Variants in ZNF425 observed in about 807,000 individuals in gnomAD.
ZNF425 encodes zinc finger protein 425.
Under a neutral mutation model 17.0 loss-of-function variants are expected in ZNF425, and 21 were observed. The observed-to-expected ratio is 1.23, with a 90% CI of 0.88 to 1.78. The LOEUF is 1.78. Among genes scored for constraint, ZNF425 ranks in the 40% most tolerant of loss-of-function variants. The pLI is 0.00. For synonymous variants in ZNF425, 433 were observed against 384.1 expected (o/e 1.13, Z -1.49); for missense variants, 868 against 967.3 (o/e 0.90, Z 1.36).
At chr7:149,124,468 T>C (rs1286390967) in intron 1 of ZNF425, among the ~76,000 whole-genome samples, 1 of 151,528 alleles carries the variant, frequency 6.6e-6, no homozygotes, top group African/African-American at 2.4e-5. Context: ...CTTGTTATTT[T>C]TACAATGTGA....
At chr7:149,122,284 C>CTT (rs1183706614) in intron 1 of ZNF425, among the ~76,000 whole-genome samples, 130 of 145,670 alleles carry the variant, frequency 8.9e-4, no homozygotes, top group African/African-American at 2.9e-3. Context: ...AAGGAAGATT[C>CTT]TTTTTTTTTT....
chr7:149,104,237 G>C lies in ZNF425; in HGVS notation c.1634C>G (p.Thr545Arg), dbSNP rs745477808. 1.2e-6 allele frequency: 2 copies of C among 1,613,470 alleles called. No homozygotes were observed. The highest frequency in any genetic ancestry group is 1.7e-5 in the Admixed American group (1 of 59,994). Residue 545 changes from threonine to arginine, a missense_variant, in exon 4 of 4, where the codon ACG becomes AGG. By Grantham distance (71) the Thr-to-Arg change is moderately conservative. This residue lies in a region of ZNF425 where 437 missense variants were observed against 444.2 expected (regional missense o/e 0.98). Transcript: ENST00000378061. This position sits in a 1 kb window ranked among gnomAD's most constrained non-coding sequence, Gnocchi z 4.3. ...GGGCTCCTCGCCACTGTGAAGCCTC[G>C]TGTGCTCTGTGAGATGCGCGCGTCG... ...FRRRAHLTEH[T>R]RLHSGEEPFQ...
Position 149,112,134 on chromosome 7 carries a change from C to T in ZNF425, c.304+3G>A. 1 of 1,612,510 alleles carries T rather than the reference C, an allele frequency of 6.2e-7. No homozygotes were observed. Among genetic ancestry groups the T allele is most frequent in the Non-Finnish European group, 8.5e-7 (1 of 1,179,294 alleles). On this transcript the variant is annotated splice_donor_region_variant and intron_variant, in intron 3 of 3. Transcript: ENST00000378061. ...TTCATGATCTTAAATCCATCTTACT[C>T]ACCAAAACATAGCAACTTTCCAGTA...
chr7:149,124,125 G>A (rs1016341979), intron 1 of ZNF425, among the ~76,000 whole-genome samples: 1 of 151,198 alleles, frequency 6.6e-6, no homozygotes, highest in Non-Finnish European at 1.5e-5. Flanking sequence ...GGGATTACAG[G>A]CCTGAGCTAC....
chr7:149,103,488 G>T lies in ZNF425; in HGVS notation c.*124C>A. 1 of 1,278,892 alleles carries T rather than the reference G, an allele frequency of 7.8e-7. No homozygotes were observed. The highest frequency in any genetic ancestry group is 1.0e-6 in the Non-Finnish European group (1 of 953,436). 79.2% of individuals were successfully genotyped at this position (1,278,892 alleles called of 1,614,324 possible). The stretch of plus-strand genomic sequence containing the variant: ...CCACCTGGGCCTCCCAAAGTAATGG[G>T]ATTACAGGCGGGAGCCACTGTGCCC... On this transcript the variant is annotated 3_prime_UTR_variant, in exon 4 of 4. Coordinates refer to ENST00000378061, the MANE Select transcript of ZNF425 (RefSeq NM_001001661.3).
Position 149,103,549 on chromosome 7 carries a change from T to C in ZNF425, c.*63A>G. 2 of 1,520,204 alleles carry C rather than the reference T, an allele frequency of 1.3e-6. No individual in the cohort carries two copies. The highest frequency in any genetic ancestry group is 1.8e-6 in the Non-Finnish European group (2 of 1,140,348). 94.2% of individuals were successfully genotyped at this position (1,520,204 alleles called of 1,614,324 possible). A position where few individuals can be genotyped will look rare whatever the true frequency, so the allele number is the denominator to read the frequency against. On this transcript the variant is annotated 3_prime_UTR_variant, in exon 4 of 4. Transcript: ENST00000378061. ...TGTGAATCCTTCAACCTGCCTCAAC[T>C]TGAGCCAACAGAGCTGCTGGCACCT...
intron 3 of ZNF425, among the ~76,000 whole-genome samples, chr7:149,110,099 C>A (rs868123473): frequency 2.8e-4 from 42 of 151,016 alleles, no homozygotes; most frequent in South Asian, 2.1e-3. Flanking sequence ...TGGTCTCGAA[C>A]TCCTGACCTC....
Position 149,103,441 on chromosome 7 carries a change from C to G in ZNF425, c.*171G>C, listed in dbSNP as rs934575872. 3 of 815,832 alleles carry G rather than the reference C, an allele frequency of 3.7e-6. No individual in the cohort carries two copies. Among genetic ancestry groups the G allele is most frequent in the Non-Finnish European group, 5.6e-6 (3 of 539,588 alleles). 50.5% of individuals were successfully genotyped at this position (815,832 alleles called of 1,614,324 possible). A position where few individuals can be genotyped will look rare whatever the true frequency, so the allele number is the denominator to read the frequency against. On this transcript the variant is annotated 3_prime_UTR_variant, in exon 4 of 4. Transcript: ENST00000378061. The stretch of plus-strand genomic sequence containing the variant: ...CAATGTTGCCTAGGCTGGTCTCAAA[C>G]TTCTGGGCTCAAGCGATCCTCCCAC...
chr7:149,117,062 A>G (rs1029825040), intron 2 of ZNF425, among the ~76,000 whole-genome samples: 6 of 152,010 alleles, frequency 3.9e-5, no homozygotes, highest in African/African-American at 1.2e-4. Flanking sequence ...GGAGTTCGAG[A>G]CCAGCCTGGC....
In ZNF425 at chr7:149,103,319, C is replaced by G. The variant is rs1325151043; in HGVS notation, c.*293G>C. On this transcript the variant is annotated 3_prime_UTR_variant, in exon 4 of 4. Transcript: ENST00000378061. Reference sequence around the variant, plus strand: ...GCAGCCTCTGCCTCCTGGGCTCAAGCGATCCTCCTGCCTCAACCTCCCAAA... The same window carrying G: ...GCAGCCTCTGCCTCCTGGGCTCAAGGGATCCTCCTGCCTCAACCTCCCAAA... The G allele has an allele frequency of 6.1e-6, 2 of 326,802 alleles. No homozygotes were observed. The highest frequency in any genetic ancestry group is 5.6e-6 in the Non-Finnish European group (1 of 177,992). 20.2% of individuals were successfully genotyped at this position (326,802 alleles called of 1,614,324 possible).
At position 149,105,357 on chromosome 7, in the gene ZNF425, G is replaced by A. The variant is rs1232186704; in HGVS notation, c.514C>T (p.His172Tyr). Residue 172 changes from histidine to tyrosine, a missense_variant, in exon 4 of 4, where the codon CAT becomes TAT. By Grantham distance (83) the His-to-Tyr change is moderately conservative. Around this residue, in one of 5 missense-constraint regions of ZNF425, gnomAD observed 179 missense variants for 216.3 expected, o/e 0.83. Coordinates refer to ENST00000378061, the MANE Select transcript of ZNF425 (RefSeq NM_001001661.3). ...CGCCCTGGGGTCTCCCGAGGCTTAT[G>A]CCGCAGGTCTTTCTTGTCTGGATCA... ...AYDPDKKDLR[H>Y]KPRETPGRLE... is the part of the protein sequence containing the mutation. 10 of 1,613,332 alleles carry A rather than the reference G, an allele frequency of 6.2e-6. No homozygotes were observed. In the Admixed American group the frequency reaches 1.3e-4, roughly 22 times the overall value.
intron 3 of ZNF425, among the ~76,000 whole-genome samples, chr7:149,107,087 A>C (rs1403387439): frequency 1.3e-5 from 2 of 149,772 alleles, no homozygotes; most frequent in Non-Finnish European, 3.0e-5. Context: ...AGCCTGGGTG[A>C]CAAAGTGAGA....
At chr7:149,115,568 T>G (rs1168764568) in intron 2 of ZNF425, among the ~76,000 whole-genome samples, 1 of 151,654 alleles carries the variant, frequency 6.6e-6, no homozygotes, top group African/African-American at 2.4e-5. Context: ...CGCACGCCTG[T>G]AATTTCAGCT....
In ZNF425 at chr7:149,114,010, T is replaced by C. The variant is rs530322420; in HGVS notation, c.146-1715A>G. On this transcript the variant is annotated intron_variant, in intron 2 of 3. Transcript: ENST00000378061. ...GCCTAGGTGATAGAGAGAGACTCTGTCTAAAAAAAAAAAAAAAAAAAAGAC... is the reference window on the plus strand; with the variant it reads ...GCCTAGGTGATAGAGAGAGACTCTGCCTAAAAAAAAAAAAAAAAAAAAGAC... Among the ~76,000 whole-genome samples, 4 of 91,770 alleles carry C rather than the reference T, an allele frequency of 4.4e-5. No homozygotes were observed. The East Asian group carries it at 2.4e-3, about 55-fold the overall frequency. 60.2% of individuals were successfully genotyped at this position (91,770 alleles called of 152,430 possible).
chr7:149,109,860 CTTTA>C (rs946229226), intron 3 of ZNF425, among the ~76,000 whole-genome samples: 1 of 150,104 alleles, frequency 6.7e-6, no homozygotes, highest in Non-Finnish European at 1.5e-5. Context: ...CTTGATAATT[CTTTA>C]TTTATTTTCT....
intron 3 of ZNF425, among the ~76,000 whole-genome samples, chr7:149,106,800 A>T (rs1826087855): frequency 6.6e-6 from 1 of 152,156 alleles, no homozygotes; most frequent in Non-Finnish European, 1.5e-5. Context: ...TACATCTATG[A>T]AATAAATGGC....
intron 3 of ZNF425, among the ~76,000 whole-genome samples, chr7:149,110,083 C>G (rs1826149408): frequency 6.6e-6 from 1 of 151,532 alleles, no homozygotes; most frequent in Non-Finnish European, 1.5e-5. Flanking sequence ...ATGATATTGG[C>G]AAGGCTGGTC....
chr7:149,122,284 C>CT (rs1183706614), intron 1 of ZNF425, among the ~76,000 whole-genome samples: 5,282 of 145,612 alleles, frequency 0.036, 291 homozygotes, highest in African/African-American at 0.12. Flanking sequence ...AAGGAAGATT[C>CT]TTTTTTTTTT....
chr7:149,121,477 C>T (rs79411468), intron 1 of ZNF425, among the ~76,000 whole-genome samples: 1 of 150,546 alleles, frequency 6.6e-6, no homozygotes, highest in Non-Finnish European at 1.5e-5. Flanking sequence ...CCACAACCTC[C>T]GCCTCCCGGG....
Sources: allele counts gnomAD v4.1 joint callset (sites outside exome capture counted in the v4.1 genomes callset), GRCh38; gene constraint gnomAD v4.1.1; regional missense constraint gnomAD v4.1.1; non-coding constraint Gnocchi (gnomAD v3.1); transcripts MANE v1.5; gene names NCBI Gene and HGNC (gene_info 2026-07-23, HGNC 2026-07-21).